DOK6: variants seen among roughly 807,000 people sequenced by gnomAD.
The protein encoded by DOK6 is docking protein 6.
A neutral mutation model predicts 44.0 loss-of-function variants in DOK6; 22 were observed. That is an observed-to-expected ratio of 0.50 (90% CI 0.36 to 0.71). DOK6 has a LOEUF of 0.71. Among genes scored for constraint, DOK6 ranks in the 30% least tolerant of loss-of-function variants. DOK6 has a pLI of 0.00. For missense variants in DOK6, 340 were observed against 416.4 expected (o/e 0.82, Z 1.60); for synonymous variants, 166 against 145.5 (o/e 1.14, Z -1.01).
intron 3 of DOK6, among the ~76,000 whole-genome samples, chr18:69,607,702 C>T (rs1984035800): frequency 6.6e-6 from 1 of 151,966 alleles, no homozygotes. Context: ...AAAAAATTTT[C>T]AAAGAAAATT....
chr18:69,574,482 G>A (rs555402093), intron 2 of DOK6, among the ~76,000 whole-genome samples: 14 of 152,162 alleles, frequency 9.2e-5, no homozygotes, highest in East Asian at 1.9e-4. Context: ...TACCAAGGAC[G>A]TGACACTTAA....
intron 1 of DOK6, among the ~76,000 whole-genome samples, chr18:69,403,267 C>A (rs551883420): frequency 2.6e-5 from 4 of 152,274 alleles, no homozygotes; most frequent in East Asian, 1.9e-4. Flanking sequence ...TCCACCCCAT[C>A]CAAGCCCTCC....
chr18:69,486,742 T>A (rs1980587883), intron 1 of DOK6, among the ~76,000 whole-genome samples: 1 of 152,216 alleles, frequency 6.6e-6, no homozygotes, highest in African/African-American at 2.4e-5. Flanking sequence ...TTTTATTCAA[T>A]GAAGGAATTT....
intron 1 of DOK6, among the ~76,000 whole-genome samples, chr18:69,481,941 T>A (rs1381340980): frequency 6.6e-6 from 1 of 152,194 alleles, no homozygotes; most frequent in Non-Finnish European, 1.5e-5. Context: ...GGTATCTCAT[T>A]GTGGTTTTGA....
At chr18:69,465,303 T>C (rs1010068270) in intron 1 of DOK6, among the ~76,000 whole-genome samples, 1 of 152,012 alleles carries the variant, frequency 6.6e-6, no homozygotes, top group Non-Finnish European at 1.5e-5. Flanking sequence ...TAAAATAAAA[T>C]TTATTTTATT....
chr18:69,494,490 C>A lies in DOK6; in HGVS notation c.67-69997C>A, dbSNP rs74859890. ...GATTCTGTCTCAAAAAACAAACAAA[C>A]AAAAAAAAAGTTTTACTACATAATA... On this transcript the variant is annotated intron_variant, in intron 1 of 7. Coordinates refer to ENST00000382713, the MANE Select transcript of DOK6 (RefSeq NM_152721.6). 0.011 allele frequency among the ~76,000 whole-genome samples: 1,466 copies of A among 132,534 alleles called. 94 individuals carry two copies. In the East Asian group the frequency reaches 0.21, roughly 19 times the overall value. 86.9% of individuals were successfully genotyped at this position (132,534 alleles called of 152,430 possible). A position where few individuals can be genotyped will look rare whatever the true frequency, so the allele number is the denominator to read the frequency against.
In DOK6 at chr18:69,768,839, A is replaced by G. The variant is rs1979797859; in HGVS notation, c.856+10966A>G. ...ACCTGCCAGCTGTCCAACAATTAAT[A>G]GACACTAACTGGAAATTTGTTGCTT... On this transcript the variant is annotated intron_variant, in intron 7 of 7. Coordinates refer to ENST00000382713, the MANE Select transcript of DOK6 (RefSeq NM_152721.6). Among the ~76,000 whole-genome samples the G allele has an allele frequency of 1.3e-5, 2 of 151,844 alleles. 1 individual carries two copies. Among genetic ancestry groups the G allele is most frequent in the South Asian group, 4.2e-4 (2 of 4,802 alleles).
intron 3 of DOK6, chr18:69,663,406 T>C (rs1383656136): frequency 6.6e-6 from 1 of 151,048 alleles, no homozygotes; most frequent in Non-Finnish European, 1.5e-5. Flanking sequence ...CATGTACCCA[T>C]GAACTTCAAA....
At chr18:69,702,132 T>TG (rs1170658368) in intron 5 of DOK6, among the ~76,000 whole-genome samples, 2 of 141,370 alleles carry the variant, frequency 1.4e-5, no homozygotes, top group African/African-American at 5.4e-5. Context: ...CCTTCTGGGT[T>TG]GGTTTTTTTT....
Position 69,844,103 on chromosome 18 carries a change from T to C in DOK6, c.*2720T>C, listed in dbSNP as rs1982296127. 6.6e-6 allele frequency: 1 copy of C among 152,214 alleles called. No individual in the cohort carries two copies. Among genetic ancestry groups the C allele is most frequent in the Admixed American group, 6.5e-5 (1 of 15,282 alleles). The allele number at this position is 152,214 out of a possible 1,614,324, so 9.4% of individuals were successfully genotyped here. On this transcript the variant is annotated 3_prime_UTR_variant, in exon 8 of 8. Coordinates refer to ENST00000382713, the MANE Select transcript of DOK6 (RefSeq NM_152721.6). ...CAACCAGAAGGGTCATGGAGATGTA[T>C]ACCACTCGCTTGGGCTCGTAGGTTT... is the stretch of plus-strand genomic sequence containing the variant.
intron 3 of DOK6, among the ~76,000 whole-genome samples, chr18:69,621,195 A>C (rs1984430923): frequency 6.6e-6 from 1 of 152,148 alleles, no homozygotes; most frequent in Non-Finnish European, 1.5e-5. Flanking sequence ...CCTAGGTTTA[A>C]ATCCTGGCTC....
At chr18:69,641,013 C>G (rs1394294516) in intron 3 of DOK6, among the ~76,000 whole-genome samples, 3 of 151,868 alleles carry the variant, frequency 2.0e-5, no homozygotes, top group African/African-American at 7.3e-5. Context: ...GGAGATCGAT[C>G]GAGACCATCC....
chr18:69,458,141 A>G (rs1979681505), intron 1 of DOK6, among the ~76,000 whole-genome samples: 1 of 152,214 alleles, frequency 6.6e-6, no homozygotes, highest in Admixed American at 6.5e-5. Context: ...CTGGGCAACA[A>G]GAGCAAACCT....
chr18:69,617,715 GAA>G (rs1053360701), intron 3 of DOK6, among the ~76,000 whole-genome samples: 1 of 89,200 alleles, frequency 1.1e-5, no homozygotes, highest in Non-Finnish European at 2.6e-5. Context: ...AGAAAAGAAA[GAA>G]AGAAAGAAAA....
At chr18:69,747,602 C>CCCCCG (rs1979031756) in intron 6 of DOK6, among the ~76,000 whole-genome samples, 1 of 150,902 alleles carries the variant, frequency 6.6e-6, no homozygotes, top group Admixed American at 6.6e-5. Flanking sequence ...CGCCCCCTCC[C>CCCCCG]CCCCACAGAA....
chr18:69,709,592 CT>C (rs561106354), intron 5 of DOK6, among the ~76,000 whole-genome samples: 139 of 152,026 alleles, frequency 9.1e-4, no homozygotes, highest in African/African-American at 3.1e-3. Flanking sequence ...TCATTATTAT[CT>C]TTATCTTTTA....
At chr18:69,806,817 C>T (rs971246373) in intron 7 of DOK6, among the ~76,000 whole-genome samples, 1 of 151,896 alleles carries the variant, frequency 6.6e-6, no homozygotes, top group Admixed American at 6.6e-5. Context: ...TTGACTGTTA[C>T]GTCTACAAAT....
At chr18:69,617,717 A>AAGAT (rs1445028608) in intron 3 of DOK6, among the ~76,000 whole-genome samples, 1 of 97,370 alleles carries the variant, frequency 1.0e-5, no homozygotes. Flanking sequence ...AAAAGAAAGA[A>AAGAT]AGAAAGAAAA....
At chr18:69,502,832 T>G (rs1686598485) in intron 1 of DOK6, among the ~76,000 whole-genome samples, 2 of 152,124 alleles carry the variant, frequency 1.3e-5, no homozygotes, top group African/African-American at 4.8e-5. Flanking sequence ...ACTAGTGGTC[T>G]TCAAGAGATG....
Sources: gnomAD v4.1 joint callset for allele counts (sites outside exome capture counted in the v4.1 genomes callset) on GRCh38, gnomAD v4.1.1 for gene constraint, MANE v1.5 for transcripts, NCBI Gene and HGNC (gene_info 2026-07-23, HGNC 2026-07-21) for gene names.